EML4: variants seen among roughly 807,000 people sequenced by gnomAD.
The protein encoded by EML4 is EMAP like 4.
Under a neutral mutation model 129.0 loss-of-function variants are expected in EML4, and 72 were observed. The observed-to-expected ratio is 0.56, with a 90% confidence interval of 0.46 to 0.68. The LOEUF (loss-of-function observed/expected upper bound fraction) is 0.68. EML4 is among the 30% of genes least tolerant of loss of function. The pLI is 0.00. For synonymous variants in EML4, 532 were observed against 405.0 expected (o/e 1.31, Z -3.77); for missense variants, 1,363 against 1,190.6 (o/e 1.14, Z -2.13).
At chr2:42,314,803 T>C (rs1669146064) in intron 17 of EML4, among the ~76,000 whole-genome samples, 2 of 152,228 alleles carry the variant, frequency 1.3e-5, no homozygotes, top group African/African-American at 4.8e-5. Context: ...TTCCCATCTT[T>C]GCTTTATATC....
At chr2:42,215,328 T>G (rs981782403) in intron 1 of EML4, among the ~76,000 whole-genome samples, 6 of 152,160 alleles carry the variant, frequency 3.9e-5, no homozygotes, top group African/African-American at 1.4e-4. Context: ...GCTGGGATTA[T>G]AGGCATGTGC....
chr2:42,198,017 T>C (rs947594233), intron 1 of EML4, among the ~76,000 whole-genome samples: 3 of 152,206 alleles, frequency 2.0e-5, no homozygotes, highest in African/African-American at 7.2e-5. Flanking sequence ...ATTTAATCTT[T>C]CTGTGTGCCC....
At chr2:42,179,229 G>A (rs1004253635) in intron 1 of EML4, among the ~76,000 whole-genome samples, 8 of 150,374 alleles carry the variant, frequency 5.3e-5, no homozygotes, top group Non-Finnish European at 1.2e-4. Context: ...TCCAGATGGG[G>A]AACATCCTAT....
rs181463166 is a variant in EML4 at position 42,195,173 on chromosome 2, A to G, written c.25+25537A>G. 6.2e-4 allele frequency among the ~76,000 whole-genome samples: 95 copies of G among 152,256 alleles called. 1 individual carries two copies. The East Asian group carries it at 0.015, about 23-fold the overall frequency. ...TGTGGCCATGGAATGTATTTCTCCTAAGTTGTTTTAGTCATTTGTTAGATT... is the reference window on the plus strand; with the variant it reads ...TGTGGCCATGGAATGTATTTCTCCTGAGTTGTTTTAGTCATTTGTTAGATT... On this transcript the variant is annotated intron_variant, in intron 1 of 22. Transcript: ENST00000318522.
chr2:42,318,492 C>G (rs536689487), intron 19 of EML4, among the ~76,000 whole-genome samples: 121 of 152,290 alleles, frequency 7.9e-4, no homozygotes, highest in African/African-American at 2.9e-3. Flanking sequence ...AGTCTACAAA[C>G]AACTTCAGAG....
intron 1 of EML4, among the ~76,000 whole-genome samples, chr2:42,226,966 A>G (rs562938003): frequency 6.6e-6 from 1 of 152,362 alleles, no homozygotes; most frequent in Admixed American, 6.5e-5. Flanking sequence ...TAGTAGCAGT[A>G]TCCCACAAAA....
intron 1 of EML4, among the ~76,000 whole-genome samples, chr2:42,215,943 C>G (rs554717516): frequency 6.7e-6 from 1 of 150,120 alleles, no homozygotes; most frequent in Non-Finnish European, 1.5e-5. Flanking sequence ...TTTTTTGAAA[C>G]GGAGTCTAGC....
chr2:42,301,704 T>G (rs1026116004), intron 14 of EML4, among the ~76,000 whole-genome samples: 5 of 151,222 alleles, frequency 3.3e-5, no homozygotes, highest in East Asian at 1.9e-4. Flanking sequence ...ATGCTTAGTG[T>G]TTTTTTTTCT....
At chr2:42,187,273 T>C (rs563387229) in intron 1 of EML4, among the ~76,000 whole-genome samples, 1 of 152,006 alleles carries the variant, frequency 6.6e-6, no homozygotes, top group African/African-American at 2.4e-5. Flanking sequence ...GGTCTTGAAC[T>C]CTGGGCTCAA....
intron 1 of EML4, among the ~76,000 whole-genome samples, chr2:42,224,864 C>T (rs775332916): frequency 2.0e-5 from 3 of 152,108 alleles, no homozygotes; most frequent in Non-Finnish European, 4.4e-5. Context: ...GTGCAACCAT[C>T]ACCCGTATGT....
At chr2:42,293,142 C>T (rs557568946) in intron 11 of EML4, among the ~76,000 whole-genome samples, 50 of 151,730 alleles carry the variant, frequency 3.3e-4, no homozygotes, top group African/African-American at 1.0e-3. Context: ...CAGGGTCTCA[C>T]GCGTCACCCA....
intron 19 of EML4, among the ~76,000 whole-genome samples, 180 bp downstream of exon 19, chr2:42,317,704 A>G (rs1281800516): frequency 6.6e-6 from 1 of 152,242 alleles, no homozygotes; most frequent in East Asian, 1.9e-4. Context: ...GTGCTCTAAA[A>G]AGACATCTCC....
intron 1 of EML4, among the ~76,000 whole-genome samples, chr2:42,222,412 T>G (rs879274582): frequency 5.9e-5 from 9 of 152,176 alleles, no homozygotes; most frequent in Non-Finnish European, 7.4e-5. Flanking sequence ...TCATGACTCA[T>G]TAAAGTTATA....
intron 1 of EML4, among the ~76,000 whole-genome samples, chr2:42,232,710 C>G (rs530611885): frequency 3.5e-4 from 53 of 152,116 alleles, no homozygotes; most frequent in Admixed American, 1.9e-3. Context: ...TCTGTAAAGG[C>G]CTTTTTGTTT....
intron 11 of EML4, among the ~76,000 whole-genome samples, chr2:42,293,737 A>C (rs1467920556): frequency 6.6e-6 from 1 of 152,050 alleles, no homozygotes; most frequent in Non-Finnish European, 1.5e-5. Flanking sequence ...CAGCCTCCCA[A>C]GTAGCTGGGA....
At chr2:42,177,019 C>T (rs1031694644) in intron 1 of EML4, among the ~76,000 whole-genome samples, 1 of 152,146 alleles carries the variant, frequency 6.6e-6, no homozygotes, top group African/African-American at 2.4e-5. Flanking sequence ...TCTCAAACTC[C>T]TGACCTCAAG....
intron 1 of EML4, among the ~76,000 whole-genome samples, chr2:42,189,301 C>T (rs1671444847): frequency 6.6e-6 from 1 of 152,204 alleles, no homozygotes; most frequent in Admixed American, 6.5e-5. Flanking sequence ...CTGTCCATGT[C>T]TCCTATCCCA....
chr2:42,326,610 A>G (rs545931271), intron 21 of EML4, among the ~76,000 whole-genome samples: 6 of 152,332 alleles, frequency 3.9e-5, no homozygotes, highest in South Asian at 2.1e-4. Context: ...GGCTGGGCGC[A>G]GTGGCTCACA....
intron 19 of EML4, 86 bp downstream of exon 19, chr2:42,317,610 G>A (rs549278620): frequency 1.2e-6 from 1 of 831,916 alleles, no homozygotes; most frequent in African/African-American, 1.7e-5. Context: ...TGTGTGTGTT[G>A]TTTCCTGTCG....
Sources: allele counts gnomAD v4.1 joint callset (sites outside exome capture counted in the v4.1 genomes callset), GRCh38; gene constraint gnomAD v4.1.1; transcripts MANE v1.5; gene names NCBI Gene and HGNC (gene_info 2026-07-23, HGNC 2026-07-21).